PTPRQ: variants seen among roughly 807,000 people sequenced by gnomAD.
PTPRQ encodes phosphatidylinositol phosphatase PTPRQ.
In PTPRQ, 199 loss-of-function variants were observed where a neutral mutation model predicts 246.0. The ratio of observed to expected loss-of-function variants is 0.81; its 90% CI spans 0.72 to 0.91. PTPRQ has a LOEUF of 0.91. PTPRQ is among the 40% of genes least tolerant of loss of function. The probability of loss-of-function intolerance (pLI) is 0.00; values close to 1 mark genes in which losing one functional copy is unlikely to be tolerated. For synonymous variants in PTPRQ, 869 were observed against 853.2 expected (o/e 1.02, Z -0.32); for missense variants, 2,624 against 2,528.4 (o/e 1.04, Z -0.81).
chr12:80,444,753 A>G lies in PTPRQ; in HGVS notation c.67A>G (p.Asn23Asp). 1 of 1,538,800 alleles carries G rather than the reference A, an allele frequency of 6.5e-7. No individual in the cohort carries two copies. Among genetic ancestry groups the G allele is most frequent in the East Asian group, 2.5e-5 (1 of 40,390 alleles). The stretch of plus-strand genomic sequence containing the variant: ...TGTGGTGTTCTAGGTTGATGTTTCC[A>G]ATGTCGTTCCTGGTACTAGGTACGA... ...GTSETQVDVSNVVPGTRYDIT... is the reference protein window; with the variant it reads ...GTSETQVDVSDVVPGTRYDIT... Residue 23 changes from asparagine (N) to aspartate (D), a missense_variant, in exon 2 of 45, where the codon AAT becomes GAT. By Grantham distance (23) the Asn-to-Asp change is conservative. Coordinates refer to ENST00000644991, the MANE Select transcript of PTPRQ (RefSeq NM_001145026.2).
intron 17 of PTPRQ, among the ~76,000 whole-genome samples, chr12:80,528,250 G>T (rs190932393): frequency 6.6e-6 from 1 of 152,036 alleles, no homozygotes; most frequent in African/African-American, 2.4e-5. Flanking sequence ...AGAGAAACGG[G>T]TAGTTAATAA....
At chr12:80,507,144 T>C (rs1423521644) in intron 16 of PTPRQ, among the ~76,000 whole-genome samples, 3 of 151,948 alleles carry the variant, frequency 2.0e-5, no homozygotes, top group African/African-American at 7.2e-5. Context: ...TTGGACAAGA[T>C]GCTATTCCCC....
chr12:80,611,549 T>C (rs1898551267), intron 28 of PTPRQ, among the ~76,000 whole-genome samples: 2 of 150,388 alleles, frequency 1.3e-5, no homozygotes, highest in South Asian at 4.1e-4. Context: ...TTATGCTTTT[T>C]ACTTCTCAAT....
At chr12:80,665,716 A>G (rs1157462925) in intron 39 of PTPRQ, among the ~76,000 whole-genome samples, 1 of 152,056 alleles carries the variant, frequency 6.6e-6, no homozygotes, top group African/African-American at 2.4e-5. Context: ...CAAGGGATTA[A>G]TATCCAAAAT....
At chr12:80,656,328 C>T (rs984796342) in intron 38 of PTPRQ, among the ~76,000 whole-genome samples, 6 of 152,010 alleles carry the variant, frequency 3.9e-5, no homozygotes, top group Non-Finnish European at 8.8e-5. Flanking sequence ...AAATTTTCTT[C>T]AAGAGGATTA....
At chr12:80,500,257 C>A (rs1359578281) in intron 14 of PTPRQ, among the ~76,000 whole-genome samples, 1 of 151,844 alleles carries the variant, frequency 6.6e-6, no homozygotes, top group African/African-American at 2.4e-5. Context: ...ATAATCATTC[C>A]TTTTTATCCA....
intron 25 of PTPRQ, among the ~76,000 whole-genome samples, chr12:80,578,338 A>AT (rs201011680): frequency 4.1e-5 from 6 of 147,736 alleles, no homozygotes; most frequent in Admixed American, 1.4e-4. Flanking sequence ...TTTAAAATAA[A>AT]TTTTTTTTCC....
In PTPRQ at chr12:80,605,192, C is replaced by G; in HGVS notation, c.4731+12C>G. The G allele has an allele frequency of 6.5e-7, 1 of 1,538,672 alleles. No homozygotes were observed. The highest frequency in any genetic ancestry group is 8.8e-7 in the Non-Finnish European group (1 of 1,140,308). On this transcript the variant is annotated intron_variant, in intron 27 of 44. Transcript: ENST00000644991. The stretch of plus-strand genomic sequence containing the variant: ...TTGATGTCAAATCGGTAAGGCATGT[C>G]TTACCTTCTGTAAAAGCCAGTATAA...
chr12:80,451,147 T>C (rs1463160267), intron 3 of PTPRQ, among the ~76,000 whole-genome samples: 2 of 152,168 alleles, frequency 1.3e-5, no homozygotes, highest in Admixed American at 1.3e-4. Flanking sequence ...TCCTTCTAGA[T>C]TTTCTAGTTT....
At chr12:80,473,049 A>ACACACACG (rs1893698496) in intron 8 of PTPRQ, among the ~76,000 whole-genome samples, 2 of 73,168 alleles carry the variant, frequency 2.7e-5, no homozygotes, top group African/African-American at 6.8e-5. Context: ...ACACACACGC[A>ACACACACG]CACACACACA....
rs138595795 is a variant in PTPRQ, at chr12:80,588,909, G to A, written c.4609+457G>A. 6.6e-5 allele frequency among the ~76,000 whole-genome samples: 10 copies of A among 152,246 alleles called. No homozygotes were observed. The East Asian group carries it at 7.7e-4, about 12-fold the overall frequency. ...ACCCTGATTGATCTGTCTGCAAGTC[G>A]TTTTTCAGCTTGTGTTTTTCAACTG... On this transcript the variant is annotated intron_variant, in intron 26 of 44. Transcript: ENST00000644991.
At chr12:80,490,722 C>T (rs928879321) in intron 9 of PTPRQ, among the ~76,000 whole-genome samples, 4 of 151,796 alleles carry the variant, frequency 2.6e-5, no homozygotes, top group African/African-American at 7.2e-5. Context: ...GTTGGGAACC[C>T]TGTATTAAAT....
chr12:80,585,767 T>A (rs1470840296), intron 25 of PTPRQ, among the ~76,000 whole-genome samples: 1 of 151,724 alleles, frequency 6.6e-6, no homozygotes, highest in Non-Finnish European at 1.5e-5. Context: ...AGTTTTAGGG[T>A]ACATGTGCAC....
At chr12:80,543,442 C>T (rs752493620) in intron 23 of PTPRQ, among the ~76,000 whole-genome samples, 15 of 151,864 alleles carry the variant, frequency 9.9e-5, no homozygotes, top group African/African-American at 1.9e-4. Context: ...AGAACTGATG[C>T]AACAAAGAGT....
chr12:80,601,540 A>G (rs1409053458), intron 26 of PTPRQ, among the ~76,000 whole-genome samples: 1 of 151,874 alleles, frequency 6.6e-6, no homozygotes, highest in African/African-American at 2.4e-5. Context: ...GTTATAATAA[A>G]GACAAGGGGA....
chr12:80,530,167 T>C (rs1046758228), intron 17 of PTPRQ, among the ~76,000 whole-genome samples: 1 of 152,152 alleles, frequency 6.6e-6, no homozygotes, highest in Admixed American at 6.5e-5. Flanking sequence ...ATTTCCTGGA[T>C]CTCTGGGGCC....
chr12:80,642,939 A>AAAAC (rs1311244785), intron 35 of PTPRQ, among the ~76,000 whole-genome samples: 86 of 144,688 alleles, frequency 5.9e-4, no homozygotes, highest in African/African-American at 2.4e-3. Flanking sequence ...AAAAAAAAAA[A>AAAAC]AAAAAAACAA....
rs375160882 is a variant in PTPRQ at position 80,558,059 on chromosome 12, C to G, written c.4285+8325C>G. 4.8e-4 allele frequency among the ~76,000 whole-genome samples: 73 copies of G among 150,858 alleles called. No individual in the cohort carries two copies. In the East Asian group the frequency reaches 0.01, roughly 21 times the overall value. ...TCTCTCTCTCTTTCTCCCTTCCTCC[C>G]TTCCTTCCCTTCCCTTCCCTCCCCT... On this transcript the variant is annotated intron_variant, in intron 25 of 44. Coordinates refer to ENST00000644991, the MANE Select transcript of PTPRQ (RefSeq NM_001145026.2).
intron 17 of PTPRQ, among the ~76,000 whole-genome samples, chr12:80,514,349 C>A (rs944323989): frequency 4.2e-5 from 6 of 142,232 alleles, no homozygotes; most frequent in African/African-American, 1.5e-4. Context: ...AACACTTTTC[C>A]CTCAGTAAAA....
Sources: gnomAD v4.1 joint callset for allele counts (sites outside exome capture counted in the v4.1 genomes callset) on GRCh38, gnomAD v4.1.1 for gene constraint, MANE v1.5 for transcripts, NCBI Gene and HGNC (gene_info 2026-07-23, HGNC 2026-07-21) for gene names.